VIT: variants seen among roughly 807,000 people sequenced by gnomAD.
The protein encoded by VIT is vitrin.
VIT carries 99 observed loss-of-function variants against 78.0 expected under a neutral mutation model. The observed-to-expected ratio is 1.27, with a 90% CI of 1.08 to 1.50. The LOEUF is 1.50. Among genes scored for constraint, VIT ranks in the 40% most tolerant of loss-of-function variants. The pLI, the probability that VIT is intolerant of heterozygous loss-of-function variation, is 0.00. For missense variants in VIT, 1,126 were observed against 875.3 expected (o/e 1.29, Z -3.61); for synonymous variants, 374 against 334.3 (o/e 1.12, Z -1.29).
At chr2:36,726,066 C>T (rs1034212546) in intron 2 of VIT, among the ~76,000 whole-genome samples, 11 of 137,720 alleles carry the variant, frequency 8.0e-5, no homozygotes, top group African/African-American at 3.2e-4. Flanking sequence ...GAGACTCTGT[C>T]TCAAAAAAAA....
intron 6 of VIT, among the ~76,000 whole-genome samples, chr2:36,766,305 A>C (rs1669424338): frequency 6.6e-6 from 1 of 152,144 alleles, no homozygotes; most frequent in Admixed American, 6.5e-5. Context: ...GAGATGGAAG[A>C]ATTGTTTGAG....
intron 13 of VIT, among the ~76,000 whole-genome samples, chr2:36,802,151 G>C (rs982702483): frequency 2.6e-5 from 4 of 152,212 alleles, no homozygotes; most frequent in African/African-American, 9.7e-5. Context: ...GAAATCCAAA[G>C]TCTAGTCCTC....
At chr2:36,702,284 A>C (rs369421220) in intron 1 of VIT, among the ~76,000 whole-genome samples, 118 of 152,274 alleles carry the variant, frequency 7.7e-4, no homozygotes, top group African/African-American at 2.7e-3. Flanking sequence ...ACAAGCAGAC[A>C]CAGAGCGTGC....
intron 9 of VIT, among the ~76,000 whole-genome samples, chr2:36,781,480 T>A (rs1324598891): frequency 1.3e-5 from 2 of 152,220 alleles, no homozygotes; most frequent in Non-Finnish European, 2.9e-5. Flanking sequence ...ATTCCCATTA[T>A]TCCAAGATTC....
At chr2:36,761,458 T>C (rs1242696256) in intron 6 of VIT, among the ~76,000 whole-genome samples, 1 of 151,734 alleles carries the variant, frequency 6.6e-6, no homozygotes, top group Non-Finnish European at 1.5e-5. Flanking sequence ...GGGGTACTTG[T>C]GGCCGGGCGC....
intron 6 of VIT, among the ~76,000 whole-genome samples, chr2:36,765,376 G>C (rs60801682): frequency 6.6e-6 from 1 of 151,266 alleles, no homozygotes; most frequent in Non-Finnish European, 1.5e-5. Context: ...TACAATCATG[G>C]CAGAAGGGGA....
chr2:36,741,844 G>T (rs1667855704), intron 3 of VIT, among the ~76,000 whole-genome samples: 2 of 152,126 alleles, frequency 1.3e-5, no homozygotes, highest in South Asian at 2.1e-4. Context: ...GACAATTTCA[G>T]TTCCTAGAAA....
intron 3 of VIT, among the ~76,000 whole-genome samples, chr2:36,740,722 A>G (rs552909187): frequency 6.6e-6 from 1 of 152,326 alleles, no homozygotes; most frequent in East Asian, 1.9e-4. Flanking sequence ...AAAAAAAAAG[A>G]CAAAATAAAC....
At chr2:36,806,697 C>T (rs1046397702) in intron 14 of VIT, among the ~76,000 whole-genome samples, 1 of 152,170 alleles carries the variant, frequency 6.6e-6, no homozygotes, top group African/African-American at 2.4e-5. Context: ...CAGGCACACA[C>T]CACCACGCCC....
At chr2:36,753,251 T>C (rs1226490655) in intron 4 of VIT, among the ~76,000 whole-genome samples, 1 of 151,884 alleles carries the variant, frequency 6.6e-6, no homozygotes, top group Non-Finnish European at 1.5e-5. Context: ...GAATAACTAA[T>C]GGATGCTGGG....
chr2:36,734,529 G>C (rs938077551), intron 3 of VIT, among the ~76,000 whole-genome samples: 4 of 152,080 alleles, frequency 2.6e-5, no homozygotes. Context: ...AGCAGATAAG[G>C]GTGTTGCATA....
At chr2:36,721,456 C>T (rs547258281) in intron 2 of VIT, among the ~76,000 whole-genome samples, 2 of 152,248 alleles carry the variant, frequency 1.3e-5, no homozygotes, top group Admixed American at 1.3e-4. Context: ...CCTCTGGGTG[C>T]TGTGATGGCT....
intron 1 of VIT, among the ~76,000 whole-genome samples, chr2:36,713,061 A>T (rs1257556414): frequency 6.6e-6 from 1 of 152,196 alleles, no homozygotes; most frequent in Non-Finnish European, 1.5e-5. Flanking sequence ...AAAATAAAAT[A>T]AGCAAAGTAT....
chr2:36,729,866 C>A (rs1667088337), intron 3 of VIT, among the ~76,000 whole-genome samples: 1 of 152,204 alleles, frequency 6.6e-6, no homozygotes, highest in African/African-American at 2.4e-5. Context: ...AGCAAAACTG[C>A]CCACCTTCCA....
chr2:36,796,051 G>A (rs138247718), intron 12 of VIT, among the ~76,000 whole-genome samples: 147 of 150,720 alleles, frequency 9.8e-4, no homozygotes, highest in African/African-American at 3.4e-3. Context: ...ATATCTAAAG[G>A]GTGTGATGAA....
In VIT at chr2:36,708,064, G is replaced by T. The variant is rs149432623; in HGVS notation, c.-18-8289G>T. Among the ~76,000 whole-genome samples, 10 of 152,070 alleles carry T rather than the reference G, an allele frequency of 6.6e-5. No individual in the cohort carries two copies. The East Asian group carries it at 1.9e-3, about 29-fold the overall frequency. ...CTCAGCCAGAGGAATACATCTGTATGAAGGTTTATGTACAGATAGAGGCCA... is the reference window on the plus strand; with the variant it reads ...CTCAGCCAGAGGAATACATCTGTATTAAGGTTTATGTACAGATAGAGGCCA... On this transcript the variant is annotated intron_variant, in intron 1 of 15. Coordinates refer to ENST00000379242, the MANE Select transcript of VIT (RefSeq NM_053276.4).
At position 36,805,548 on chromosome 2, in the gene VIT, G is replaced by T. The variant is rs376085251; in HGVS notation, c.1273G>T (p.Val425Leu). 1.2e-6 allele frequency: 2 copies of T among 1,614,178 alleles called. No homozygotes were observed. The highest frequency in any genetic ancestry group is 2.2e-5 in the South Asian group (2 of 91,086). ...VMVDGWPTDK[V>L]EEASRLARES... ...GGTGGATGGCTGGCCCACGGACAAA[G>T]TGGAGGAGGCTTCAAGACTTGCGAG... Residue 425 changes from valine (V) to leucine (L), a missense_variant, in exon 14 of 16, where the codon GTG (valine) becomes TTG (leucine). Transcript: ENST00000379242.
intron 10 of VIT, among the ~76,000 whole-genome samples, chr2:36,783,083 AAAG>A (rs1170329014): frequency 1.3e-5 from 2 of 152,258 alleles, no homozygotes; most frequent in African/African-American, 4.8e-5. Context: ...GGCTCAGAAT[AAAG>A]AATAAATTAA....
rs937608812 is a variant in VIT at position 36,777,475 on chromosome 2, G to A, written c.802+2408G>A. Among the ~76,000 whole-genome samples, 16 of 152,248 alleles carry A rather than the reference G, an allele frequency of 1.1e-4. No individual in the cohort carries two copies. The East Asian group carries it at 2.3e-3, about 22-fold the overall frequency. ...TAATTCATACACCAGGGCACCCCGA[G>A]CAGAACACAGTGCTGCCAGGGTAGT... On this transcript the variant is annotated intron_variant, in intron 9 of 15. Transcript: ENST00000379242.
Sources: allele counts gnomAD v4.1 joint callset (sites outside exome capture counted in the v4.1 genomes callset), GRCh38; gene constraint gnomAD v4.1.1; transcripts MANE v1.5; gene names NCBI Gene and HGNC (gene_info 2026-07-23, HGNC 2026-07-21).